PTPRE: variants seen among roughly 807,000 people sequenced by gnomAD.
PTPRE encodes the protein receptor-type tyrosine-protein phosphatase epsilon.
In PTPRE, 51 loss-of-function variants were observed where a neutral mutation model predicts 102.0. The ratio of observed to expected loss-of-function variants is 0.50; its 90% CI spans 0.40 to 0.63. PTPRE has a LOEUF of 0.63. PTPRE is among the 30% of genes least tolerant of loss of function. The pLI, the probability that PTPRE is intolerant of heterozygous loss-of-function variation, is 0.00. For missense variants in PTPRE, 752 were observed against 915.1 expected (o/e 0.82, Z 2.30); for synonymous variants, 345 against 348.2 (o/e 0.99, Z 0.10).
chr10:127,979,235 G>A (rs1851423270), intron 1 of PTPRE, among the ~76,000 whole-genome samples: 1 of 152,088 alleles, frequency 6.6e-6, no homozygotes, highest in Non-Finnish European at 1.5e-5. Context: ...AGGATGTTGT[G>A]TCAGCTTCTC....
At chr10:128,055,570 C>T (rs1402685496) in intron 6 of PTPRE, among the ~76,000 whole-genome samples, 2 of 152,096 alleles carry the variant, frequency 1.3e-5, no homozygotes, top group Non-Finnish European at 2.9e-5. Context: ...CCCGGGAGTG[C>T]CCAAGCCACT....
chr10:127,922,026 T>G (rs557652384), intron 1 of PTPRE, among the ~76,000 whole-genome samples: 268 of 152,294 alleles, frequency 1.8e-3, no homozygotes, highest in Middle Eastern at 0.01. Context: ...AATAGACTAA[T>G]CCATGACAAG....
intron 19 of PTPRE, among the ~76,000 whole-genome samples, chr10:128,078,115 T>C (rs1851386265): frequency 6.6e-6 from 1 of 152,240 alleles, no homozygotes. Flanking sequence ...AACACACTCC[T>C]GGACTTCAAG....
chr10:128,063,021 C>G, intron 9 of PTPRE, 62 bp from the exon 10 acceptor site: 1 of 1,602,470 alleles, frequency 6.2e-7, no homozygotes, highest in African/African-American at 1.3e-5. Context: ...GGTGCCGGGG[C>G]TGGGACCCCA....
In PTPRE at chr10:128,068,080, G is replaced by C. The variant is rs114102452; in HGVS notation, c.844-43G>C. Reference sequence around the variant, plus strand: ...GAATGAGATGCTGGGGGAGCAGGGGGAGGATTGTTTCACCCACTCTTGTCT... The same window carrying C: ...GAATGAGATGCTGGGGGAGCAGGGGCAGGATTGTTTCACCCACTCTTGTCT... On this transcript the variant is annotated intron_variant, in intron 11 of 20. Coordinates refer to ENST00000254667, the MANE Select transcript of PTPRE (RefSeq NM_006504.6). 1.7e-3 allele frequency: 2,738 copies of C among 1,580,132 alleles called. 44 individuals are homozygous for C. In the African/African-American group the frequency reaches 0.033, roughly 19 times the overall value.
At chr10:128,055,446 C>T (rs568466417) in intron 6 of PTPRE, among the ~76,000 whole-genome samples, 5 of 152,126 alleles carry the variant, frequency 3.3e-5, no homozygotes, top group Non-Finnish European at 5.9e-5. Context: ...AGTTGGTTAG[C>T]GTGGTGCTTC....
At chr10:128,015,372 C>CT (rs534909795) in intron 2 of PTPRE, among the ~76,000 whole-genome samples, 235 of 146,266 alleles carry the variant, frequency 1.6e-3, no homozygotes, top group South Asian at 8.4e-3. Flanking sequence ...AGGAAGACCT[C>CT]TTTTTTTTTT....
chr10:127,926,313 G>C (rs559671903), intron 1 of PTPRE, among the ~76,000 whole-genome samples: 7 of 152,196 alleles, frequency 4.6e-5, no homozygotes, highest in Non-Finnish European at 1.0e-4. Context: ...AAATTTTAAA[G>C]AGCATGTATG....
rs1476571488 is a variant in PTPRE at position 127,979,494 on chromosome 10, C to A, written c.-30-2780C>A. Among the ~76,000 whole-genome samples the A allele has an allele frequency of 2.6e-5, 4 of 152,190 alleles. No homozygotes were observed. The South Asian group carries it at 6.2e-4, about 24-fold the overall frequency. ...CTACTATCATGTGTGAGCCACAAAC[C>A]AATAAAATACCTGATCTATTTGTAG... is the stretch of plus-strand genomic sequence containing the variant. On this transcript the variant is annotated intron_variant, in intron 1 of 20. Transcript: ENST00000254667.
At chr10:128,067,635 G>T (rs1017775170) in intron 11 of PTPRE, among the ~76,000 whole-genome samples, 1 of 152,226 alleles carries the variant, frequency 6.6e-6, no homozygotes, top group African/African-American at 2.4e-5. Flanking sequence ...ATGGGCTCTG[G>T]GTCCAAAAGC....
At chr10:127,914,542 C>G (rs1189610257) in intron 1 of PTPRE, among the ~76,000 whole-genome samples, 1 of 152,186 alleles carries the variant, frequency 6.6e-6, no homozygotes, top group African/African-American at 2.4e-5. Context: ...GGGAAGGCCT[C>G]CAGCCTCCTC....
At chr10:127,981,491 T>C (rs1407741155) in intron 1 of PTPRE, among the ~76,000 whole-genome samples, 1 of 146,452 alleles carries the variant, frequency 6.8e-6, no homozygotes, top group Non-Finnish European at 1.5e-5. Flanking sequence ...AATAAAACTG[T>C]TTTTTTTTAA....
intron 6 of PTPRE, among the ~76,000 whole-genome samples, chr10:128,050,212 G>T (rs1239355483): frequency 6.6e-6 from 1 of 152,098 alleles, no homozygotes; most frequent in Non-Finnish European, 1.5e-5. Flanking sequence ...ATAAGTGGGA[G>T]GGCAGAGGGA....
chr10:128,016,581 T>C (rs1461310017), intron 2 of PTPRE, among the ~76,000 whole-genome samples: 2 of 151,910 alleles, frequency 1.3e-5, no homozygotes, highest in Non-Finnish European at 2.9e-5. Context: ...TGGGCCAGGC[T>C]GACGGCGGTG....
intron 1 of PTPRE, among the ~76,000 whole-genome samples, chr10:127,970,829 C>T (rs148099860): frequency 4.7e-4 from 72 of 151,684 alleles, no homozygotes; most frequent in Middle Eastern, 6.8e-3. Context: ...TATTCCTATT[C>T]GTATCATAGG....
chr10:128,010,637 C>T (rs573687612), intron 2 of PTPRE, among the ~76,000 whole-genome samples: 2 of 146,234 alleles, frequency 1.4e-5, no homozygotes, highest in East Asian at 1.9e-4. Context: ...GGCTGGAGGG[C>T]AGTGAGGGCA....
At chr10:127,999,953 C>T (rs1384180699) in intron 2 of PTPRE, 1 of 985,376 alleles carries the variant, frequency 1.0e-6, no homozygotes, top group Non-Finnish European at 1.2e-6. Context: ...ACTGAGAACG[C>T]GGTGCTCTGT....
Position 128,083,082 on chromosome 10 carries a change from T to C in PTPRE, c.*176T>C, listed in dbSNP as rs1268428499. On this transcript the variant is annotated 3_prime_UTR_variant, in exon 21 of 21. Coordinates refer to ENST00000254667, the MANE Select transcript of PTPRE (RefSeq NM_006504.6). The stretch of plus-strand genomic sequence containing the variant: ...AAATCTTAAATATGCTTTTTAAAAA[T>C]TGGAATAATGTATTAAGGTCAAATA... The C allele has an allele frequency of 2.0e-5, 10 of 491,226 alleles. No individual in the cohort carries two copies. Among genetic ancestry groups the C allele is most frequent in the Middle Eastern group, 5.6e-4 (1 of 1,798 alleles). 30.4% of individuals were successfully genotyped at this position (491,226 alleles called of 1,614,324 possible).
intron 1 of PTPRE, among the ~76,000 whole-genome samples, chr10:127,974,852 A>G (rs535353370): frequency 6.6e-6 from 1 of 152,032 alleles, no homozygotes; most frequent in South Asian, 2.1e-4. Context: ...GAGGGTCTGC[A>G]CCTGCCTTCG....
Sources: allele counts gnomAD v4.1 joint callset (sites outside exome capture counted in the v4.1 genomes callset), GRCh38; gene constraint gnomAD v4.1.1; transcripts MANE v1.5; gene names NCBI Gene and HGNC (gene_info 2026-07-23, HGNC 2026-07-21).